The following SLC2A9 variants were observed in gnomAD, a reference collection of about 807,000 sequenced individuals.
SLC2A9 encodes the protein solute carrier family 2 member 9, also known as solute carrier family 2, facilitated glucose transporter member 9.
In SLC2A9, 39 loss-of-function variants were observed where a neutral mutation model predicts 50.6. The observed-to-expected ratio is 0.77, with a 90% CI of 0.60 to 1.01. SLC2A9 has a LOEUF of 1.01. Among genes scored for constraint, SLC2A9 ranks in the 50% least tolerant of loss-of-function variants. SLC2A9 has a pLI of 0.00. For synonymous variants in SLC2A9, 324 were observed against 276.9 expected, an observed-to-expected ratio of 1.17 and a Z score of -1.69; for missense variants, 686 against 677.6, an observed-to-expected ratio of 1.01 and a Z score of -0.14.
chr4:9,978,810 G>A (rs556181442), intron 5 of SLC2A9, among the ~76,000 whole-genome samples: 6 of 152,312 alleles, frequency 3.9e-5, no homozygotes, highest in Admixed American at 2.0e-4. Flanking sequence ...AGGTGACCTC[G>A]ATTGGCTGAA....
At chr4:10,011,025 G>A (rs1761679267) in intron 2 of SLC2A9, among the ~76,000 whole-genome samples, 1 of 152,146 alleles carries the variant, frequency 6.6e-6, no homozygotes, top group African/African-American at 2.4e-5. Flanking sequence ...ATCCATCCAG[G>A]TCCATCACCT....
intron 6 of SLC2A9, among the ~76,000 whole-genome samples, chr4:9,932,718 G>C (rs1004665144): frequency 1.5e-4 from 23 of 152,332 alleles, no homozygotes; most frequent in Admixed American, 3.3e-4. Context: ...TTATGAACTT[G>C]TTGCATTTGC....
At chr4:10,015,770 G>A (rs1475823757) in intron 2 of SLC2A9, among the ~76,000 whole-genome samples, 1 of 152,232 alleles carries the variant, frequency 6.6e-6, no homozygotes, top group Non-Finnish European at 1.5e-5. Context: ...CCAGGTTGGA[G>A]AAGTATGGGA....
chr4:10,036,110 C>G (rs1764097500), intron 1 of SLC2A9: 1 of 181,986 alleles, frequency 5.5e-6, no homozygotes, highest in South Asian at 1.4e-4. Flanking sequence ...ATCCATCCAT[C>G]CATCCATCTA....
chr4:9,773,191 C>T (rs376157710), intron 1 of SLC2A9, among the ~76,000 whole-genome samples: 1 of 152,206 alleles, frequency 6.6e-6, no homozygotes, highest in Non-Finnish European at 1.5e-5. Flanking sequence ...GGGCCACCAT[C>T]AGGGGTCCTG....
In SLC2A9 at chr4:9,814,093, T is replaced by C. The variant is rs180861160; in HGVS notation, n.420+12327A>G. Among the ~76,000 whole-genome samples the C allele has an allele frequency of 6.6e-5, 10 of 152,294 alleles. No homozygotes were observed. In the East Asian group the frequency reaches 1.9e-3, roughly 29 times the overall value. The stretch of plus-strand genomic sequence containing the variant: ...AGGCGGAGGTTGCAGTGAGCCAAGA[T>C]TGTGCCACTGCACTGCAGCCTGGGC... On this transcript the variant is annotated intron_variant and non_coding_transcript_variant, in intron 3 of 3. Coordinates refer to the SLC2A9 transcript ENST00000503280.
chr4:10,019,272 G>A, intron 1 of SLC2A9, 199 bp from the exon 2 acceptor site: 1 of 592,670 alleles, frequency 1.7e-6, no homozygotes, highest in Non-Finnish European at 3.0e-6. Flanking sequence ...TGCGCAGGCC[G>A]GGCGCCCTCA....
intron 10 of SLC2A9, among the ~76,000 whole-genome samples, chr4:9,862,707 C>A (rs1305736198): frequency 6.6e-6 from 1 of 151,982 alleles, no homozygotes; most frequent in East Asian, 1.9e-4. Flanking sequence ...TAGCTTCTCA[C>A]GGAGGCCCTT....
intron 3 of SLC2A9, among the ~76,000 whole-genome samples, chr4:9,809,100 G>T (rs1442912865): frequency 1.3e-5 from 2 of 152,288 alleles, no homozygotes; most frequent in South Asian, 4.1e-4. Context: ...ACATGATGTG[G>T]CTTGGTAGAA....
chr4:10,025,400 A>G (rs546438485), upstream of SLC2A9, among the ~76,000 whole-genome samples: 163 of 152,272 alleles, frequency 1.1e-3, no homozygotes, highest in Non-Finnish European at 2.0e-3. Context: ...TGAGAGCCCT[A>G]TGTAAAGGTC....
At chr4:9,932,581 A>G (rs1746345216) in intron 6 of SLC2A9, among the ~76,000 whole-genome samples, 1 of 152,252 alleles carries the variant, frequency 6.6e-6, no homozygotes, top group Non-Finnish European at 1.5e-5. Context: ...AGAAGATGCT[A>G]TTTCACTAGA....
At chr4:9,878,038 G>C (rs1467405862) in intron 10 of SLC2A9, among the ~76,000 whole-genome samples, 2 of 152,090 alleles carry the variant, frequency 1.3e-5, no homozygotes, top group Non-Finnish European at 2.9e-5. Flanking sequence ...TCTCAACTGT[G>C]CCCTGTCCCT....
chr4:9,965,374 A>T (rs987381659), intron 5 of SLC2A9, among the ~76,000 whole-genome samples: 5 of 152,240 alleles, frequency 3.3e-5, no homozygotes, highest in Middle Eastern at 3.4e-3. Flanking sequence ...CTCATGGGAA[A>T]TTTTTCTGTA....
At chr4:9,932,892 G>A (rs1284083822) in intron 6 of SLC2A9, among the ~76,000 whole-genome samples, 2 of 152,224 alleles carry the variant, frequency 1.3e-5, no homozygotes, top group African/African-American at 2.4e-5. Flanking sequence ...CTGATGCATC[G>A]TTAGAGGAAG....
Position 9,890,681 on chromosome 4 carries a change from G to T in SLC2A9, c.1144C>A (p.Pro382Thr). 6.2e-7 allele frequency: 1 copy of T among 1,614,140 alleles called. No individual in the cohort carries two copies. Among genetic ancestry groups the T allele is most frequent in the Non-Finnish European group, 8.5e-7 (1 of 1,180,018 alleles). ...GLVIEHLGRRPLLIGGFGLMG... is the reference protein window; with the variant it reads ...GLVIEHLGRRTLLIGGFGLMG... ...AGCCCAAAGCCACCAATGAGGAGGG[G>T]TCTCCGTCCCAGGTGCTCAATGACC... The change falls in exon 9 of 12, where the codon CCC becomes ACC. Residue 382 changes from proline to threonine, a missense_variant. Pro to Thr is a conservative substitution (Grantham distance 38). Transcript: ENST00000264784.
chr4:9,787,852 G>C lies in SLC2A9; in HGVS notation n.386-7787C>G, dbSNP rs11931636. Among the ~76,000 whole-genome samples, 1,401 of 152,248 alleles carry C rather than the reference G, an allele frequency of 9.2e-3. 30 individuals are homozygous for C. The highest frequency in any genetic ancestry group is 0.032 in the African/African-American group (1,319 of 41,554). On this transcript the variant is annotated intron_variant and non_coding_transcript_variant, in intron 3 of 3. Transcript: ENST00000503803. ...GAGCTCCTGTAGCTCATGGCATGAGGGGCAGGTGCTGTTAATTAGTCCCAT... is the reference window on the plus strand; with the variant it reads ...GAGCTCCTGTAGCTCATGGCATGAGCGGCAGGTGCTGTTAATTAGTCCCAT...
At chr4:9,893,257 T>C (rs1439697778) in intron 8 of SLC2A9, among the ~76,000 whole-genome samples, 1 of 152,008 alleles carries the variant, frequency 6.6e-6, no homozygotes, top group Non-Finnish European at 1.5e-5. Context: ...GCTCTCTGAT[T>C]CTCTTTCTTC....
chr4:9,842,230 T>C (rs963785500), intron 10 of SLC2A9, among the ~76,000 whole-genome samples: 3 of 152,176 alleles, frequency 2.0e-5, no homozygotes, highest in African/African-American at 4.8e-5. Flanking sequence ...TAAAATCCCT[T>C]GATTATTAGC....
intron 7 of SLC2A9, among the ~76,000 whole-genome samples, chr4:9,916,933 G>A (rs6811809): frequency 0.28 from 42,464 of 152,142 alleles, 6,758 homozygotes; most frequent in East Asian, 0.67. Flanking sequence ...GGTGCTGGAG[G>A]CACAGGGTTG....
Sources: gnomAD v4.1 joint callset for allele counts (sites outside exome capture counted in the v4.1 genomes callset) on GRCh38, gnomAD v4.1.1 for gene constraint, MANE v1.5 for transcripts, NCBI Gene and HGNC (gene_info 2026-07-23, HGNC 2026-07-21) for gene names.